The following PREX1 variants were observed in gnomAD, a reference collection of about 807,000 sequenced individuals.
The protein encoded by PREX1 is phosphatidylinositol 3,4,5-trisphosphate-dependent Rac exchanger 1 protein.
Under a neutral mutation model 198.3 loss-of-function variants are expected in PREX1, and 41 were observed. The observed-to-expected ratio is 0.21, with a 90% CI of 0.16 to 0.27. The LOEUF (loss-of-function observed/expected upper bound fraction) is 0.27. Ranked by LOEUF, PREX1 falls within the 10% of genes least tolerant of loss-of-function variation. PREX1 has a pLI of 1.00. For synonymous variants in PREX1, 843 were observed against 887.2 expected (o/e 0.95, Z 0.89); for missense variants, 1,620 against 2,200.7 (o/e 0.74, Z 5.28).
intron 1 of PREX1, among the ~76,000 whole-genome samples, chr20:48,808,796 GA>G (rs1207682488): frequency 6.6e-6 from 1 of 152,192 alleles, no homozygotes; most frequent in Non-Finnish European, 1.5e-5. Context: ...CCTCCGTGTG[GA>G]TCCTAAAACA....
intron 30 of PREX1, among the ~76,000 whole-genome samples, chr20:48,639,095 G>A (rs1012732429): frequency 2.0e-5 from 3 of 152,330 alleles, no homozygotes; most frequent in Non-Finnish European, 4.4e-5. Flanking sequence ...CGCAAATGCC[G>A]GCAAGGGCCA....
intron 1 of PREX1, among the ~76,000 whole-genome samples, chr20:48,778,886 C>G (rs1005522466): frequency 1.3e-5 from 2 of 152,006 alleles, no homozygotes; most frequent in Non-Finnish European, 2.9e-5. Context: ...GATCACAGAT[C>G]TAAATTCAAA....
the PREX1 span, among the ~76,000 whole-genome samples, chr20:48,880,648 C>T: frequency 6.6e-6 from 1 of 152,124 alleles, no homozygotes; most frequent in Non-Finnish European, 1.5e-5. Context: ...CTTCAGCTTA[C>T]ATATAATTGG....
chr20:48,807,211 T>TTC (rs1422096078), intron 1 of PREX1, among the ~76,000 whole-genome samples: 2 of 152,212 alleles, frequency 1.3e-5, no homozygotes, highest in African/African-American at 2.4e-5. Flanking sequence ...CTCCCCCCCA[T>TTC]TCTCAGCCTG....
intron 1 of PREX1, among the ~76,000 whole-genome samples, chr20:48,823,647 C>T (rs2090497041): frequency 6.6e-6 from 1 of 152,204 alleles, no homozygotes; most frequent in Non-Finnish European, 1.5e-5. Context: ...ACAGTTCTTC[C>T]CATTCTGTGG....
chr20:48,838,509 TTAAA>T, the PREX1 span, among the ~76,000 whole-genome samples: 1 of 152,136 alleles, frequency 6.6e-6, no homozygotes, highest in African/African-American at 2.4e-5. Context: ...AAGTAAATAC[TTAAA>T]TATAGTATGT....
chr20:48,672,040 C>A (rs111238376), intron 14 of PREX1, among the ~76,000 whole-genome samples: 1 of 152,204 alleles, frequency 6.6e-6, no homozygotes, highest in African/African-American at 2.4e-5. Flanking sequence ...GGCCTCTGGC[C>A]GAGCCCACAA....
intron 6 of PREX1, among the ~76,000 whole-genome samples, chr20:48,703,332 C>T (rs1242146709): frequency 1.3e-5 from 2 of 152,246 alleles, no homozygotes; most frequent in Non-Finnish European, 2.9e-5. Context: ...CGTTATCACA[C>T]ATCACGGCCT....
At chr20:48,769,734 C>T (rs1255087695) in intron 1 of PREX1, among the ~76,000 whole-genome samples, 1 of 152,204 alleles carries the variant, frequency 6.6e-6, no homozygotes, top group Non-Finnish European at 1.5e-5. Context: ...CAGGTCTCTG[C>T]TCAAACGTCA....
intron 1 of PREX1, among the ~76,000 whole-genome samples, chr20:48,799,723 G>A (rs1323727357): frequency 2.0e-5 from 3 of 152,214 alleles, no homozygotes; most frequent in African/African-American, 4.8e-5. Flanking sequence ...GCAGGCAAGC[G>A]GGCCTCTGTC....
chr20:48,868,173 CT>C, the PREX1 span, among the ~76,000 whole-genome samples: 1 of 152,178 alleles, frequency 6.6e-6, no homozygotes, highest in Non-Finnish European at 1.5e-5. Context: ...GTAACAGACA[CT>C]GGTGCTTGGA....
At chr20:48,668,322 G>A (rs1024500095) in intron 14 of PREX1, among the ~76,000 whole-genome samples, 2 of 152,208 alleles carry the variant, frequency 1.3e-5, no homozygotes, top group Admixed American at 6.5e-5. Context: ...GCCAGGAGCC[G>A]GCACTGCTGT....
At chr20:48,794,356 C>G (rs2090351001) in intron 1 of PREX1, among the ~76,000 whole-genome samples, 1 of 152,154 alleles carries the variant, frequency 6.6e-6, no homozygotes, top group South Asian at 2.1e-4. Flanking sequence ...AAGGGGCGGA[C>G]AGAGAGTCCT....
the PREX1 span, among the ~76,000 whole-genome samples, chr20:48,855,902 C>CAAAT: frequency 1.2e-4 from 18 of 151,968 alleles, no homozygotes; most frequent in African/African-American, 3.6e-4. Flanking sequence ...GACTCTGTCT[C>CAAAT]AAATAAATAA....
chr20:48,818,070 A>G (rs113205193), intron 1 of PREX1, among the ~76,000 whole-genome samples: 1 of 152,296 alleles, frequency 6.6e-6, no homozygotes, highest in Non-Finnish European at 1.5e-5. Flanking sequence ...GGCCTGAAGG[A>G]GGTGGAGGGC....
At chr20:48,688,611 A>C (rs1292980415) in intron 10 of PREX1, 46 bp downstream of exon 10, 1 of 1,611,222 alleles carries the variant, frequency 6.2e-7, no homozygotes, top group Admixed American at 1.7e-5. Flanking sequence ...CCCCACCTCC[A>C]GCTGAGAGCC....
At chr20:48,778,813 G>A (rs577033621) in intron 1 of PREX1, among the ~76,000 whole-genome samples, 12 of 152,280 alleles carry the variant, frequency 7.9e-5, no homozygotes, top group South Asian at 2.1e-4. Context: ...AACCACACAC[G>A]ATATGCAAAT....
At chr20:48,764,164 G>T (rs2090197370) in intron 1 of PREX1, among the ~76,000 whole-genome samples, 1 of 152,168 alleles carries the variant, frequency 6.6e-6, no homozygotes, top group African/African-American at 2.4e-5. Flanking sequence ...AGCTCCACAA[G>T]GGAAGAAACT....
the PREX1 span, among the ~76,000 whole-genome samples, chr20:48,882,389 C>T: frequency 7.2e-4 from 109 of 151,114 alleles, no homozygotes; most frequent in Admixed American, 1.6e-3. Context: ...GTAGTCCCAG[C>T]TACTCGGGAG....
Sources: allele counts gnomAD v4.1 joint callset (sites outside exome capture counted in the v4.1 genomes callset), GRCh38; gene constraint gnomAD v4.1.1; transcripts MANE v1.5; gene names NCBI Gene and HGNC (gene_info 2026-07-23, HGNC 2026-07-21).